The following WWOX variants were observed in gnomAD, a reference collection of about 807,000 sequenced individuals.
The protein encoded by WWOX is WW domain-containing oxidoreductase.
A neutral mutation model predicts 46.2 loss-of-function variants in WWOX; 69 were observed. That is an observed-to-expected ratio of 1.49 (90% CI 1.23 to 1.82). The LOEUF (loss-of-function observed/expected upper bound fraction) is 1.82, where lower values mean the gene tolerates loss of function less well. WWOX is among the 40% of genes most tolerant of loss of function. The probability of loss-of-function intolerance (pLI) is 0.00; values close to 1 mark genes in which losing one functional copy is unlikely to be tolerated. For synonymous variants in WWOX, 359 were observed against 202.6 expected (o/e 1.77, Z -6.56); for missense variants, 919 against 542.6 (o/e 1.69, Z -6.89).
At chr16:78,582,556 C>G (rs1373269048) in intron 8 of WWOX, among the ~76,000 whole-genome samples, 1 of 152,070 alleles carries the variant, frequency 6.6e-6, no homozygotes, top group Non-Finnish European at 1.5e-5. Flanking sequence ...TATGTGCAAT[C>G]CTTGTGTTTC....
chr16:78,423,291 C>T (rs1298821954), intron 6 of WWOX, among the ~76,000 whole-genome samples: 1 of 152,066 alleles, frequency 6.6e-6, no homozygotes, highest in Non-Finnish European at 1.5e-5. Context: ...TATTTTATAA[C>T]ATAAATGTTT....
intron 8 of WWOX, among the ~76,000 whole-genome samples, chr16:78,544,402 A>G (rs1416182998): frequency 6.6e-6 from 1 of 152,204 alleles, no homozygotes; most frequent in Admixed American, 6.5e-5. Flanking sequence ...TATTAAGTAG[A>G]CATTATCTTC....
chr16:78,538,555 C>G (rs2043814909), intron 8 of WWOX, among the ~76,000 whole-genome samples: 1 of 152,146 alleles, frequency 6.6e-6, no homozygotes, highest in African/African-American at 2.4e-5. Context: ...CGAGCATGCT[C>G]TGAACTCCTG....
intron 8 of WWOX, among the ~76,000 whole-genome samples, chr16:78,910,232 T>C (rs937145095): frequency 3.3e-5 from 5 of 152,018 alleles, no homozygotes; most frequent in African/African-American, 9.7e-5. Context: ...AAGGGGGAGA[T>C]TTACAAGCCA....
rs114850513 is a variant in WWOX, at chr16:78,389,191, C to A, written c.605+2243C>A. Among the ~76,000 whole-genome samples, 928 of 152,320 alleles carry A rather than the reference C, an allele frequency of 6.1e-3. 10 individuals carry two copies. The highest frequency in any genetic ancestry group is 0.021 in the African/African-American group (885 of 41,570). On this transcript the variant is annotated intron_variant, in intron 6 of 8. Coordinates refer to ENST00000566780, the MANE Select transcript of WWOX (RefSeq NM_016373.4). ...TGCAGCGCTTGGCTGTTAGTAGCTT[C>A]CACCCTTTGCCAGAACTATCAAGAG...
intron 8 of WWOX, among the ~76,000 whole-genome samples, chr16:79,003,096 C>G (rs1050883871): frequency 6.6e-6 from 1 of 152,180 alleles, no homozygotes; most frequent in Non-Finnish European, 1.5e-5. Flanking sequence ...CCTGAAAAAC[C>G]TCCTTCCAGA....
At chr16:78,314,040 A>C (rs2080304060) in intron 5 of WWOX, among the ~76,000 whole-genome samples, 1 of 152,110 alleles carries the variant, frequency 6.6e-6, no homozygotes, top group Non-Finnish European at 1.5e-5. Flanking sequence ...ACACATCTAT[A>C]AAATGGAGCT....
chr16:78,630,650 C>G (rs12598987), intron 8 of WWOX, among the ~76,000 whole-genome samples: 64,583 of 152,062 alleles, frequency 0.42, 16,411 homozygotes, highest in Middle Eastern at 0.59. Flanking sequence ...GCCTCATTCA[C>G]CATTTCCCTG....
intron 8 of WWOX, among the ~76,000 whole-genome samples, chr16:79,028,905 A>AT (rs879428638): frequency 6.6e-6 from 1 of 151,394 alleles, no homozygotes; most frequent in African/African-American, 2.4e-5. Context: ...CTAGAAAAAA[A>AT]AATGTTCATA....
At chr16:78,721,392 A>T (rs1215708708) in intron 8 of WWOX, among the ~76,000 whole-genome samples, 1 of 152,202 alleles carries the variant, frequency 6.6e-6, no homozygotes. Flanking sequence ...CTGTGTAGTG[A>T]CAACAATTAT....
intron 8 of WWOX, among the ~76,000 whole-genome samples, chr16:78,692,897 C>T (rs2048023053): frequency 1.3e-5 from 2 of 152,160 alleles, no homozygotes; most frequent in South Asian, 2.1e-4. Flanking sequence ...CATGAATATT[C>T]TGTAATAGAA....
At chr16:78,997,815 G>C (rs2047019553) in intron 8 of WWOX, among the ~76,000 whole-genome samples, 2 of 152,168 alleles carry the variant, frequency 1.3e-5, no homozygotes, top group African/African-American at 4.8e-5. Context: ...TTTCTCTGCA[G>C]ATTTCACGCT....
rs141162625 is a variant in WWOX, at chr16:79,107,969, T to G, written c.1057-103639T>G. Among the ~76,000 whole-genome samples the G allele has an allele frequency of 1.9e-3, 295 of 152,338 alleles. 1 individual carries two copies. Among genetic ancestry groups the G allele is most frequent in the African/African-American group, 6.4e-3 (268 of 41,576 alleles). On this transcript the variant is annotated intron_variant, in intron 8 of 8. Coordinates refer to ENST00000566780, the MANE Select transcript of WWOX (RefSeq NM_016373.4). Reference sequence around the variant, plus strand: ...ATAAAATTAAGTGAAAAGAGTCAGGTTGAGTGTAGAATATATTTATTCCTA... The same window carrying G: ...ATAAAATTAAGTGAAAAGAGTCAGGGTGAGTGTAGAATATATTTATTCCTA...
chr16:79,203,322 T>C (rs1437244617), intron 8 of WWOX: 1 of 152,228 alleles, frequency 6.6e-6, no homozygotes, highest in African/African-American at 2.4e-5. Flanking sequence ...GAGCTCTGTA[T>C]GGAAATCCAC....
chr16:78,160,558 C>T (rs777722110), intron 4 of WWOX, among the ~76,000 whole-genome samples: 1 of 152,104 alleles, frequency 6.6e-6, no homozygotes, highest in African/African-American at 2.4e-5. Context: ...ATTTTTTGAG[C>T]CATAATGTCT....
rs75946815 is a variant in WWOX, at chr16:79,075,174, C to T, written c.1057-136434C>T. On this transcript the variant is annotated intron_variant, in intron 8 of 8. Coordinates refer to ENST00000566780, the MANE Select transcript of WWOX (RefSeq NM_016373.4). ...CTGAATTAGAATCTCTGGAAGGCAT[C>T]CTAAGAGTCTGCATTTGTATGAAGC... Among the ~76,000 whole-genome samples the T allele has an allele frequency of 2.9e-3, 448 of 152,302 alleles. 1 individual carries two copies. The highest frequency in any genetic ancestry group is 9.9e-3 in the African/African-American group (411 of 41,558).
intron 8 of WWOX, among the ~76,000 whole-genome samples, chr16:78,447,441 T>C (rs998902152): frequency 5.9e-5 from 9 of 152,254 alleles, no homozygotes; most frequent in Admixed American, 5.2e-4. Context: ...AGTTTAGAAG[T>C]GCTAAGTAAA....
intron 5 of WWOX, among the ~76,000 whole-genome samples, chr16:78,362,785 C>T (rs2081439227): frequency 6.6e-6 from 1 of 152,136 alleles, no homozygotes; most frequent in African/African-American, 2.4e-5. Flanking sequence ...GATAAATATA[C>T]CACAAGCATT....
chr16:78,688,140 A>G lies in WWOX; in HGVS notation c.1056+255388A>G, dbSNP rs187270497. 1.1e-3 allele frequency among the ~76,000 whole-genome samples: 169 copies of G among 152,260 alleles called. 1 individual carries two copies. The highest frequency in any genetic ancestry group is 5.8e-3 in the South Asian group (28 of 4,824). On this transcript the variant is annotated intron_variant, in intron 8 of 8. Transcript: ENST00000566780. The stretch of plus-strand genomic sequence containing the variant: ...TATCTTAAAGTTTTCTGCAATAGAA[A>G]TGCATTTCAAATATAAGCTAGAAAA...
Sources: gnomAD v4.1 joint callset for allele counts (sites outside exome capture counted in the v4.1 genomes callset) on GRCh38, gnomAD v4.1.1 for gene constraint, MANE v1.5 for transcripts, NCBI Gene and HGNC (gene_info 2026-07-23, HGNC 2026-07-21) for gene names.